The following DNM3 variants were observed in gnomAD, a reference collection of about 807,000 sequenced individuals.
DNM3 encodes dynamin 3.
DNM3 carries 47 observed loss-of-function variants against 101.6 expected under a neutral mutation model. The ratio of observed to expected loss-of-function variants is 0.46; its 90% CI spans 0.37 to 0.59. The LOEUF is 0.59. Ranked by LOEUF, DNM3 falls within the 20% of genes least tolerant of loss-of-function variation. The pLI is 0.00. For missense variants in DNM3, 849 were observed against 1,085.7 expected (o/e 0.78, Z 3.06); for synonymous variants, 385 against 387.9 (o/e 0.99, Z 0.09).
chr1:172,033,345 G>T, intron 6 of DNM3, 80 bp downstream of exon 6: 1 of 1,417,510 alleles, frequency 7.1e-7, no homozygotes, highest in Non-Finnish European at 9.3e-7. Flanking sequence ...TTATTTTTAA[G>T]TTTATTTTTT....
chr1:171,862,728 C>A (rs1045004501), intron 1 of DNM3, among the ~76,000 whole-genome samples: 4 of 152,022 alleles, frequency 2.6e-5, no homozygotes, highest in Non-Finnish European at 5.9e-5. Context: ...CTTTTATGAT[C>A]TTTAAATTAT....
intron 15 of DNM3, among the ~76,000 whole-genome samples, chr1:172,281,891 A>AC (rs1276541975): frequency 6.6e-6 from 1 of 152,214 alleles, no homozygotes; most frequent in Admixed American, 6.5e-5. Flanking sequence ...ATATCACAGT[A>AC]CCCCATAAAT....
At chr1:172,015,091 T>C (rs1169704438) in intron 4 of DNM3, among the ~76,000 whole-genome samples, 1 of 152,166 alleles carries the variant, frequency 6.6e-6, no homozygotes, top group Non-Finnish European at 1.5e-5. Context: ...TGACTGTATT[T>C]ATATGGGTCT....
At chr1:171,931,320 T>G (rs187983462) in intron 2 of DNM3, among the ~76,000 whole-genome samples, 67 of 152,316 alleles carry the variant, frequency 4.4e-4, no homozygotes, top group Non-Finnish European at 7.1e-4. Context: ...ATTTTTATAA[T>G]GTTATAAAAT....
At chr1:172,354,731 G>C (rs1455074352) in intron 17 of DNM3, among the ~76,000 whole-genome samples, 1 of 152,120 alleles carries the variant, frequency 6.6e-6, no homozygotes, top group Non-Finnish European at 1.5e-5. Context: ...AAGGGAGCTG[G>C]AAAGCAGAGG....
intron 10 of DNM3, among the ~76,000 whole-genome samples, chr1:172,066,866 A>T (rs1304467413): frequency 6.6e-6 from 1 of 152,006 alleles, no homozygotes; most frequent in African/African-American, 2.4e-5. Flanking sequence ...TGCTTTTCCA[A>T]CTAATGCTGT....
rs1192329165 is a variant in DNM3 at position 171,898,701 on chromosome 1, T to TAGAG, written c.162-23046_162-23045insGAGA. Among the ~76,000 whole-genome samples, 449 of 79,354 alleles carry TAGAG rather than the reference T, an allele frequency of 5.7e-3. 2 individuals are homozygous for TAGAG. The highest frequency in any genetic ancestry group is 0.015 in the East Asian group (32 of 2,074). 52.1% of individuals were successfully genotyped at this position (79,354 alleles called of 152,430 possible). On this transcript the variant is annotated intron_variant, in intron 1 of 20. Transcript: ENST00000627582. ...AAGTGTGTGTGTATATACATATATA[T>TAGAG]ATATAGAGAGAGAGAGAGAAATCAT...
intron 20 of DNM3, among the ~76,000 whole-genome samples, chr1:172,396,783 A>G (rs186111724): frequency 1.3e-5 from 2 of 152,346 alleles, no homozygotes; most frequent in East Asian, 3.9e-4. Context: ...ATATTTAAAT[A>G]TATAACATTC....
chr1:172,163,748 T>C (rs966213486), intron 14 of DNM3, among the ~76,000 whole-genome samples: 22 of 152,206 alleles, frequency 1.4e-4, no homozygotes, highest in Admixed American at 6.5e-4. Flanking sequence ...TGTCTTTCTG[T>C]GTCTGGTTTA....
intron 14 of DNM3, among the ~76,000 whole-genome samples, chr1:172,186,541 G>A (rs2059532813): frequency 6.6e-6 from 1 of 152,028 alleles, no homozygotes; most frequent in Admixed American, 6.6e-5. Flanking sequence ...AAGATGACAT[G>A]GATTTAGAGC....
chr1:172,141,152 A>G (rs561904297), intron 14 of DNM3, among the ~76,000 whole-genome samples: 1 of 152,240 alleles, frequency 6.6e-6, no homozygotes, highest in South Asian at 2.1e-4. Context: ...AAAAAATTCA[A>G]AATGAAGATT....
Position 172,402,556 on chromosome 1 carries a change from T to C in DNM3, c.2523-5216T>C, listed in dbSNP as rs2070574925. Reference sequence around the variant, plus strand: ...GTATATCTTTTTGAAGGCTTTCTTTTAATTTGGGTCCACCTAACTACTTAT... The same window carrying C: ...GTATATCTTTTTGAAGGCTTTCTTTCAATTTGGGTCCACCTAACTACTTAT... On this transcript the variant is annotated intron_variant, in intron 20 of 20. Coordinates refer to ENST00000627582, the MANE Select transcript of DNM3 (RefSeq NM_015569.5). Among the ~76,000 whole-genome samples, 3 of 152,204 alleles carry C rather than the reference T, an allele frequency of 2.0e-5. No homozygotes were observed. In the South Asian group the frequency reaches 6.2e-4, roughly 31 times the overall value.
intron 2 of DNM3, among the ~76,000 whole-genome samples, chr1:171,955,503 G>C (rs984050998): frequency 1.3e-5 from 2 of 152,088 alleles, no homozygotes; most frequent in African/African-American, 4.8e-5. Flanking sequence ...GGGAGTCAAA[G>C]ACTTAAATGG....
intron 10 of DNM3, among the ~76,000 whole-genome samples, chr1:172,049,282 A>C (rs1558484017): frequency 6.6e-6 from 1 of 152,112 alleles, no homozygotes; most frequent in East Asian, 1.9e-4. Flanking sequence ...TAACCTCTCT[A>C]GTCTTGTTAA....
intron 1 of DNM3, among the ~76,000 whole-genome samples, chr1:171,847,167 T>C (rs1194338588): frequency 6.6e-6 from 1 of 152,116 alleles, no homozygotes; most frequent in Non-Finnish European, 1.5e-5. Flanking sequence ...AAAAGAGAAC[T>C]GACAGGATAA....
At chr1:172,213,582 G>A (rs1222606184) in intron 14 of DNM3, among the ~76,000 whole-genome samples, 3 of 146,018 alleles carry the variant, frequency 2.1e-5, no homozygotes, top group Non-Finnish European at 4.5e-5. Context: ...TGTAATCCTA[G>A]CGCTTCAGGA....
Position 172,302,116 on chromosome 1 carries a change from C to A in DNM3, c.1770-6612C>A, listed in dbSNP as rs1012904972. Among the ~76,000 whole-genome samples, 8 of 152,090 alleles carry A rather than the reference C, an allele frequency of 5.3e-5. No homozygotes were observed. The South Asian group carries it at 1.0e-3, about 20-fold the overall frequency. On this transcript the variant is annotated intron_variant, in intron 15 of 20. Transcript: ENST00000627582. The stretch of plus-strand genomic sequence containing the variant: ...GGGTTGGGGAATTTCCCTTTCCTAG[C>A]CAAGGGAAGCCGTGACAGACTATAC...
In DNM3 at chr1:171,934,807, T is replaced by C. The variant is rs560893591; in HGVS notation, c.235+12986T>C. On this transcript the variant is annotated intron_variant, in intron 2 of 20. Transcript: ENST00000627582. ...AAGTCTTATAAAGAGATTGGCAGGC[T>C]CAGGACAGATACTATGTGGGAAACT... 3.3e-5 allele frequency among the ~76,000 whole-genome samples: 5 copies of C among 152,332 alleles called. No individual in the cohort carries two copies. In the South Asian group the frequency reaches 1.0e-3, roughly 32 times the overall value.
chr1:171,996,374 A>T (rs1048309540), intron 4 of DNM3, among the ~76,000 whole-genome samples: 9 of 152,156 alleles, frequency 5.9e-5, no homozygotes, highest in African/African-American at 9.7e-5. Context: ...GTTTCACCAG[A>T]ATACTAGAGG....
Sources: gnomAD v4.1 joint callset for allele counts (sites outside exome capture counted in the v4.1 genomes callset) on GRCh38, gnomAD v4.1.1 for gene constraint, MANE v1.5 for transcripts, NCBI Gene and HGNC (gene_info 2026-07-23, HGNC 2026-07-21) for gene names.